The following CNTNAP2 variants were observed in gnomAD, a reference collection of about 807,000 sequenced individuals.
CNTNAP2 encodes the protein contactin associated protein 2, also known as contactin-associated protein-like 2.
A neutral mutation model predicts 155.2 loss-of-function variants in CNTNAP2; 98 were observed. The observed-to-expected ratio is 0.63, with a 90% confidence interval of 0.54 to 0.75. CNTNAP2 has a LOEUF of 0.75. Ranked by LOEUF, CNTNAP2 falls within the 30% of genes least tolerant of loss-of-function variation. CNTNAP2 has a pLI of 0.00. For synonymous variants in CNTNAP2, 651 were observed against 631.2 expected (o/e 1.03, Z -0.47); for missense variants, 1,727 against 1,688.1 (o/e 1.02, Z -0.40).
intron 14 of CNTNAP2, among the ~76,000 whole-genome samples, chr7:147,955,906 G>A (rs995617218): frequency 6.6e-6 from 1 of 152,182 alleles, no homozygotes; most frequent in Non-Finnish European, 1.5e-5. Context: ...CTTGACCCAA[G>A]AATTACTGAC....
chr7:146,143,786 G>A (rs1428055843), intron 1 of CNTNAP2, among the ~76,000 whole-genome samples: 2 of 150,054 alleles, frequency 1.3e-5, no homozygotes, highest in Admixed American at 1.3e-4. Flanking sequence ...TTTTTGAAAT[G>A]GAGTCTCCTT....
intron 1 of CNTNAP2, among the ~76,000 whole-genome samples, chr7:146,672,597 C>G (rs1002167593): frequency 6.6e-6 from 1 of 152,114 alleles, no homozygotes; most frequent in South Asian, 2.1e-4. Flanking sequence ...GGGTTATCCT[C>G]CTTTTTGAAA....
intron 6 of CNTNAP2, among the ~76,000 whole-genome samples, chr7:147,124,436 A>T (rs1257306536): frequency 1.3e-5 from 2 of 152,156 alleles, no homozygotes; most frequent in Non-Finnish European, 2.9e-5. Context: ...GAATGCCCTG[A>T]TATATAGCAT....
intron 13 of CNTNAP2, among the ~76,000 whole-genome samples, chr7:147,770,013 A>G (rs78115762): frequency 0.011 from 1,681 of 152,340 alleles, 100 homozygotes; most frequent in Admixed American, 0.088. Flanking sequence ...CAAAGAGGAC[A>G]TCTTTAAAGA....
chr7:146,723,184 C>T (rs1801369051), intron 1 of CNTNAP2, among the ~76,000 whole-genome samples: 2 of 152,040 alleles, frequency 1.3e-5, no homozygotes, highest in Admixed American at 6.6e-5. Flanking sequence ...AAAACACCAT[C>T]TGGCAATGGA....
intron 12 of CNTNAP2, among the ~76,000 whole-genome samples, chr7:147,592,193 T>C (rs1255154414): frequency 1.3e-5 from 2 of 152,128 alleles, no homozygotes; most frequent in Admixed American, 1.3e-4. Context: ...TTAGTAAATA[T>C]TTGTTACATG....
At position 146,128,081 on chromosome 7, in the gene CNTNAP2, T is replaced by G. The variant is rs1023222229; in HGVS notation, c.97+11108T>G. ...CTAGCGAAGCCTGTTTCAAATTTTA[T>G]ATTCTTCACAATGATCCCTGCAGTG... On this transcript the variant is annotated intron_variant, in intron 1 of 23. Coordinates refer to ENST00000361727, the MANE Select transcript of CNTNAP2 (RefSeq NM_014141.6). 1.9e-4 allele frequency among the ~76,000 whole-genome samples: 29 copies of G among 152,212 alleles called. 1 individual carries two copies. Among genetic ancestry groups the G allele is most frequent in the African/African-American group, 6.3e-4 (26 of 41,472 alleles).
At chr7:147,652,928 G>C (rs1420607048) in intron 13 of CNTNAP2, among the ~76,000 whole-genome samples, 1 of 152,066 alleles carries the variant, frequency 6.6e-6, no homozygotes, top group African/African-American at 2.4e-5. Context: ...ATTTATAAGA[G>C]CTGCACAAAC....
chr7:146,232,504 GC>G (rs1274826307), intron 1 of CNTNAP2, among the ~76,000 whole-genome samples: 3 of 152,078 alleles, frequency 2.0e-5, no homozygotes, highest in Admixed American at 6.6e-5. Context: ...AAATCTTTGA[GC>G]CAGAGATTCT....
At chr7:147,125,265 T>A (rs1801209947) in intron 6 of CNTNAP2, among the ~76,000 whole-genome samples, 1 of 152,108 alleles carries the variant, frequency 6.6e-6, no homozygotes, top group Admixed American at 6.6e-5. Flanking sequence ...TCTGCCCGCC[T>A]CAGCCTCCCA....
At chr7:146,611,831 C>T (rs1273389854) in intron 1 of CNTNAP2, among the ~76,000 whole-genome samples, 2 of 152,152 alleles carry the variant, frequency 1.3e-5, no homozygotes, top group Non-Finnish European at 2.9e-5. Context: ...AGTAGATCAG[C>T]TTAGCCTGGA....
At chr7:148,380,014 G>A (rs573346710) in intron 21 of CNTNAP2, among the ~76,000 whole-genome samples, 2 of 152,158 alleles carry the variant, frequency 1.3e-5, no homozygotes, top group Non-Finnish European at 2.9e-5. Context: ...CGTATTACCC[G>A]GAATTGTGTC....
At chr7:147,869,015 C>T (rs113376491) in intron 13 of CNTNAP2, among the ~76,000 whole-genome samples, 2,467 of 152,332 alleles carry the variant, frequency 0.016, 66 homozygotes, top group African/African-American at 0.055. Context: ...GAACCAGGTA[C>T]TTCAGTTGGA....
chr7:146,315,248 TG>T (rs976000533), intron 1 of CNTNAP2, among the ~76,000 whole-genome samples: 3 of 152,144 alleles, frequency 2.0e-5, no homozygotes, highest in Admixed American at 6.5e-5. Flanking sequence ...AATTCTTCTT[TG>T]TTTTTGTGCT....
At chr7:147,440,653 T>A (rs535326892) in intron 10 of CNTNAP2, among the ~76,000 whole-genome samples, 67 of 152,286 alleles carry the variant, frequency 4.4e-4, no homozygotes, top group African/African-American at 1.5e-3. Flanking sequence ...AGATCTGGTA[T>A]TGATGAAATC....
At chr7:147,243,811 G>A (rs1388188393) in intron 8 of CNTNAP2, among the ~76,000 whole-genome samples, 2 of 151,870 alleles carry the variant, frequency 1.3e-5, no homozygotes, top group South Asian at 4.2e-4. Flanking sequence ...AGGTCACAAA[G>A]GGCTGTCATG....
At chr7:147,550,110 A>G (rs1013852326) in intron 11 of CNTNAP2, among the ~76,000 whole-genome samples, 2 of 152,174 alleles carry the variant, frequency 1.3e-5, no homozygotes, top group Admixed American at 1.3e-4. Context: ...TTAACAACAT[A>G]AATGCCTTGG....
chr7:147,828,857 A>C (rs1014907734), intron 13 of CNTNAP2, among the ~76,000 whole-genome samples: 5 of 152,208 alleles, frequency 3.3e-5, no homozygotes, highest in Non-Finnish European at 5.9e-5. Flanking sequence ...ACATCTTTGG[A>C]ACATTTATCA....
chr7:147,075,980 C>T (rs544183965), intron 4 of CNTNAP2, among the ~76,000 whole-genome samples: 3 of 152,244 alleles, frequency 2.0e-5, no homozygotes, highest in South Asian at 4.1e-4. Flanking sequence ...TTTATGGCTG[C>T]GTAGTATTCC....
Sources: allele counts gnomAD v4.1 joint callset (sites outside exome capture counted in the v4.1 genomes callset), GRCh38; gene constraint gnomAD v4.1.1; transcripts MANE v1.5; gene names NCBI Gene and HGNC (gene_info 2026-07-23, HGNC 2026-07-21).